The following PPARA variants were observed in gnomAD, a reference collection of about 807,000 sequenced individuals.
PPARA encodes the protein peroxisome proliferator-activated receptor alpha.
Under a neutral mutation model 42.2 loss-of-function variants are expected in PPARA, and 22 were observed. The ratio of observed to expected loss-of-function variants is 0.52; its 90% CI spans 0.37 to 0.74. The LOEUF is 0.74. Ranked by LOEUF, PPARA falls within the 30% of genes least tolerant of loss-of-function variation. The pLI is 0.00. For synonymous variants in PPARA, 242 were observed against 239.3 expected (o/e 1.01, Z -0.10); for missense variants, 465 against 608.2 (o/e 0.76, Z 2.48).
chr22:46,180,799 C>A lies in PPARA; in HGVS notation c.-43+3963C>A, dbSNP rs1354596491. Among the ~76,000 whole-genome samples the A allele has an allele frequency of 5.3e-5, 8 of 152,186 alleles. No homozygotes were observed. In the East Asian group the frequency reaches 1.5e-3, roughly 29 times the overall value. ...GTTCTCTGATTTCCCACTACATTTT[C>A]TGGGGGCTCGTCCGGGATTGGAGAT... On this transcript the variant is annotated intron_variant, in intron 3 of 8. Transcript: ENST00000407236. This position sits in a 1 kb window ranked among gnomAD's most constrained non-coding sequence, Gnocchi z 4.2.
In PPARA at chr22:46,243,467, T is replaced by G. The variant is rs1002370216; in HGVS notation, c.*8087T>G. 7.2e-5 allele frequency: 11 copies of G among 152,158 alleles called. No individual in the cohort carries two copies. The highest frequency in any genetic ancestry group is 2.7e-4 in the African/African-American group (11 of 41,424). 9.4% of individuals were successfully genotyped at this position (152,158 alleles called of 1,614,324 possible). On this transcript the variant is annotated 3_prime_UTR_variant, in exon 9 of 9. Coordinates refer to ENST00000407236, the MANE Select transcript of PPARA (RefSeq NM_005036.6). This position sits in a 1 kb window ranked among gnomAD's most constrained non-coding sequence, Gnocchi z 5.0. ...GAGCGGGCATCCAGGACCTCCGGAA[T>G]CAAGGATGTGCAGAGAAGAGCGAAA...
rs544114139 is a variant in PPARA at position 46,219,047 on chromosome 22, A to T, written c.508+646A>T. Among the ~76,000 whole-genome samples the T allele has an allele frequency of 6.7e-6, 1 of 149,778 alleles. No individual in the cohort carries two copies. Among genetic ancestry groups the T allele is most frequent in the South Asian group, 2.1e-4 (1 of 4,744 alleles). On this transcript the variant is annotated intron_variant, in intron 6 of 8. Transcript: ENST00000407236. The surrounding 1 kb of genome is among the most constrained non-coding windows in gnomAD (Gnocchi z 4.8). ...CATGGTAGTGCACACCTGTAATCCCAGCTACTTGGGAGGATGAGACAGGAG... is the reference window on the plus strand; with the variant it reads ...CATGGTAGTGCACACCTGTAATCCCTGCTACTTGGGAGGATGAGACAGGAG...
intron 2 of PPARA, among the ~76,000 whole-genome samples, chr22:46,152,312 T>C (rs111524927): frequency 1.3e-5 from 2 of 152,114 alleles, no homozygotes; most frequent in African/African-American, 4.8e-5. Flanking sequence ...CTAATTTTTG[T>C]AGTTTTAGTA....
rs1157918878 is a variant in PPARA, at chr22:46,191,460, G to C, written c.-42-6882G>C. Reference sequence around the variant, plus strand: ...AGGAAGGGAGTGGAACTGATAATCTGTTCCTCCCTATTGTGTTCAGTATGG... The same window carrying C: ...AGGAAGGGAGTGGAACTGATAATCTCTTCCTCCCTATTGTGTTCAGTATGG... On this transcript the variant is annotated intron_variant, in intron 3 of 8. Coordinates refer to ENST00000407236, the MANE Select transcript of PPARA (RefSeq NM_005036.6). This position sits in a 1 kb window ranked among gnomAD's most constrained non-coding sequence, Gnocchi z 4.6. 1.3e-5 allele frequency among the ~76,000 whole-genome samples: 2 copies of C among 149,492 alleles called. No individual in the cohort carries two copies. The highest frequency in any genetic ancestry group is 2.1e-4 in the South Asian group (1 of 4,706).
At position 46,232,345 on chromosome 22, in the gene PPARA, G is replaced by A. The variant is rs559932138; in HGVS notation, c.1159+106G>A. The A allele has an allele frequency of 2.6e-6, 3 of 1,156,824 alleles. No individual in the cohort carries two copies. The highest frequency in any genetic ancestry group is 1.2e-5 in the South Asian group (1 of 81,518). The allele number at this position is 1,156,824 out of a possible 1,614,324, so 71.7% of individuals were successfully genotyped here. On this transcript the variant is annotated intron_variant, in intron 8 of 8. Transcript: ENST00000407236. The surrounding 1 kb of genome is among the most constrained non-coding windows in gnomAD (Gnocchi z 5.3). ...ACCAGCCTGAGCTGTTCCAGTGGAG[G>A]GGACACTCACATGGTGGGAAGACGT...
chr22:46,220,402 A>C, intron 7 of PPARA: 2 of 302,046 alleles, frequency 6.6e-6, no homozygotes, highest in South Asian at 3.0e-5. Context: ...GCAGCCTTGA[A>C]CTCCTGGGCT....
chr22:46,194,145 C>G (rs1291220925), intron 3 of PPARA, among the ~76,000 whole-genome samples: 1 of 152,188 alleles, frequency 6.6e-6, no homozygotes, highest in East Asian at 1.9e-4. Flanking sequence ...CATCCAAAGG[C>G]AACTGTTCCT....
chr22:46,171,097 A>G lies in PPARA; in HGVS notation c.-126-5656A>G, dbSNP rs113161165. On this transcript the variant is annotated intron_variant, in intron 2 of 8. Coordinates refer to ENST00000407236, the MANE Select transcript of PPARA (RefSeq NM_005036.6). This position sits in a 1 kb window ranked among gnomAD's most constrained non-coding sequence, Gnocchi z 5.0. ...AATTGCTTGAGCCCAGGAGGCAGAG[A>G]TCGCAGTGAGCCAAGACTGCGCCAC... is the stretch of plus-strand genomic sequence containing the variant. Among the ~76,000 whole-genome samples the G allele has an allele frequency of 0.037, 5,689 of 151,916 alleles. 367 individuals carry two copies. The highest frequency in any genetic ancestry group is 0.13 in the African/African-American group (5,410 of 41,402).
At chr22:46,214,976 G>A (rs1324448501) in intron 4 of PPARA, among the ~76,000 whole-genome samples, 197 bp from the exon 5 acceptor site, 2 of 152,140 alleles carry the variant, frequency 1.3e-5, no homozygotes, top group Non-Finnish European at 2.9e-5. Flanking sequence ...TGCTGGCTTT[G>A]GGAGCACAGC....
intron 4 of PPARA, among the ~76,000 whole-genome samples, chr22:46,201,527 G>T (rs145478751): frequency 6.6e-6 from 1 of 152,166 alleles, no homozygotes; most frequent in Non-Finnish European, 1.5e-5. Context: ...AAAAGGCTCC[G>T]TGTCAGGTGG....
Position 46,192,368 on chromosome 22 carries a change from T to C in PPARA, c.-42-5974T>C, listed in dbSNP as rs913576949. On this transcript the variant is annotated intron_variant, in intron 3 of 8. Coordinates refer to ENST00000407236, the MANE Select transcript of PPARA (RefSeq NM_005036.6). This position sits in a 1 kb window ranked among gnomAD's most constrained non-coding sequence, Gnocchi z 4.3. ...CAGTCACGCATCTAAGAGCAGGTGATGCAGAAAATACCCTCGTGTTAGTTA... is the reference window on the plus strand; with the variant it reads ...CAGTCACGCATCTAAGAGCAGGTGACGCAGAAAATACCCTCGTGTTAGTTA... 4.6e-5 allele frequency among the ~76,000 whole-genome samples: 7 copies of C among 152,218 alleles called. No individual in the cohort carries two copies. The highest frequency in any genetic ancestry group is 1.7e-4 in the African/African-American group (7 of 41,458).
At chr22:46,205,096 T>C (rs1933096370) in intron 4 of PPARA, among the ~76,000 whole-genome samples, 1 of 152,004 alleles carries the variant, frequency 6.6e-6, no homozygotes, top group Non-Finnish European at 1.5e-5. Flanking sequence ...ACTCCTGGAC[T>C]CAAGCGACCC....
Position 46,238,963 on chromosome 22 carries a change from T to C in PPARA, c.*3583T>C, listed in dbSNP as rs954811056. On this transcript the variant is annotated 3_prime_UTR_variant, in exon 9 of 9. Coordinates refer to ENST00000407236, the MANE Select transcript of PPARA (RefSeq NM_005036.6). This position sits in a 1 kb window ranked among gnomAD's most constrained non-coding sequence, Gnocchi z 8.3. ...CCCACCTCGCTTGCCTGTTTCCGCT[T>C]GACCCTTCCTCCAGCTCCGATGAGA... 6 of 152,272 alleles carry C rather than the reference T, an allele frequency of 3.9e-5. No individual in the cohort carries two copies. Among genetic ancestry groups the C allele is most frequent in the African/African-American group, 1.4e-4 (6 of 41,456 alleles). 9.4% of individuals were successfully genotyped at this position (152,272 alleles called of 1,614,324 possible).
In PPARA at chr22:46,232,834, T is replaced by C. The variant is rs1935970266; in HGVS notation, c.1159+595T>C. Reference sequence around the variant, plus strand: ...CTACAAAAAAAAAAATAGAAAAAATTAGTCAAGTATGGTGGCATGTACCTG... The same window carrying C: ...CTACAAAAAAAAAAATAGAAAAAATCAGTCAAGTATGGTGGCATGTACCTG... On this transcript the variant is annotated intron_variant, in intron 8 of 8. Coordinates refer to ENST00000407236, the MANE Select transcript of PPARA (RefSeq NM_005036.6). The surrounding 1 kb of genome is among the most constrained non-coding windows in gnomAD (Gnocchi z 5.3). Among the ~76,000 whole-genome samples the C allele has an allele frequency of 1.3e-5, 2 of 149,252 alleles. No homozygotes were observed. Among genetic ancestry groups the C allele is most frequent in the African/African-American group, 2.5e-5 (1 of 40,426 alleles).
At chr22:46,213,917 A>G (rs754868550) in intron 4 of PPARA, among the ~76,000 whole-genome samples, 3 of 152,094 alleles carry the variant, frequency 2.0e-5, no homozygotes, top group South Asian at 2.1e-4. Context: ...TGTTTGTTTT[A>G]AGACCTCTTT....
At position 46,187,044 on chromosome 22, in the gene PPARA, C is replaced by A. The variant is rs975015970; in HGVS notation, c.-43+10208C>A. 8.5e-5 allele frequency among the ~76,000 whole-genome samples: 13 copies of A among 152,138 alleles called. No individual in the cohort carries two copies. Among genetic ancestry groups the A allele is most frequent in the African/African-American group, 2.9e-4 (12 of 41,420 alleles). ...GTAACTAAAACCAAGGAAAGTGAAA[C>A]CATGGATAAGGGATATCTACTGTAT... is the stretch of plus-strand genomic sequence containing the variant. On this transcript the variant is annotated intron_variant, in intron 3 of 8. Transcript: ENST00000407236. The surrounding 1 kb of genome is among the most constrained non-coding windows in gnomAD (Gnocchi z 4.9).
chr22:46,162,612 C>A lies in PPARA; in HGVS notation c.-127+10642C>A, dbSNP rs1280541092. 6.6e-6 allele frequency among the ~76,000 whole-genome samples: 1 copy of A among 152,200 alleles called. No individual in the cohort carries two copies. The highest frequency in any genetic ancestry group is 6.5e-5 in the Admixed American group (1 of 15,274). On this transcript the variant is annotated intron_variant, in intron 2 of 8. Transcript: ENST00000407236. The surrounding 1 kb of genome is among the most constrained non-coding windows in gnomAD (Gnocchi z 6.0). Reference sequence around the variant, plus strand: ...GATGGCTTGGTGACAGTGGCTCTCCCTGAGACCCCGTGAGGCCAGAGTCCT... The same window carrying A: ...GATGGCTTGGTGACAGTGGCTCTCCATGAGACCCCGTGAGGCCAGAGTCCT...
Position 46,180,086 on chromosome 22 carries a change from G to A in PPARA, c.-43+3250G>A, listed in dbSNP as rs1160490816. Reference sequence around the variant, plus strand: ...CCATTTGAATGGCCAAAATTAGAAAGGTTGACCATACCAAACATTAGCCAT... The same window carrying A: ...CCATTTGAATGGCCAAAATTAGAAAAGTTGACCATACCAAACATTAGCCAT... On this transcript the variant is annotated intron_variant, in intron 3 of 8. Coordinates refer to ENST00000407236, the MANE Select transcript of PPARA (RefSeq NM_005036.6). This position sits in a 1 kb window ranked among gnomAD's most constrained non-coding sequence, Gnocchi z 4.2. Among the ~76,000 whole-genome samples, 1 of 152,102 alleles carries A rather than the reference G, an allele frequency of 6.6e-6. No individual in the cohort carries two copies. The highest frequency in any genetic ancestry group is 6.6e-5 in the Admixed American group (1 of 15,262).
chr22:46,171,761 A>G lies in PPARA; in HGVS notation c.-126-4992A>G, dbSNP rs1376265111. Among the ~76,000 whole-genome samples the G allele has an allele frequency of 6.6e-6, 1 of 152,010 alleles. No individual in the cohort carries two copies. Among genetic ancestry groups the G allele is most frequent in the East Asian group, 1.9e-4 (1 of 5,188 alleles). On this transcript the variant is annotated intron_variant, in intron 2 of 8. Transcript: ENST00000407236. The surrounding 1 kb of genome is among the most constrained non-coding windows in gnomAD (Gnocchi z 5.0). ...CAGGAGGTCCCAGGGGAGAGGCAGG[A>G]CCAGTCTCGTGGAGGTCGGGGCCGT...
Sources: gnomAD v4.1 joint callset for allele counts (sites outside exome capture counted in the v4.1 genomes callset) on GRCh38, gnomAD v4.1.1 for gene constraint, Gnocchi (gnomAD v3.1) non-coding constraint, MANE v1.5 for transcripts, NCBI Gene and HGNC (gene_info 2026-07-23, HGNC 2026-07-21) for gene names.